RNF168: variants seen among roughly 807,000 people sequenced by gnomAD.
RNF168 encodes the protein ring finger protein 168.
In RNF168, 34 loss-of-function variants were observed where a neutral mutation model predicts 34.9. That is an observed-to-expected ratio of 0.97 (90% CI 0.74 to 1.30). RNF168 has a LOEUF of 1.30. Among genes scored for constraint, RNF168 ranks in the 50% most tolerant of loss-of-function variants. RNF168 has a pLI of 0.00. For synonymous variants in RNF168, 264 were observed against 254.7 expected (o/e 1.04, Z -0.35); for missense variants, 725 against 682.5 (o/e 1.06, Z -0.69).
chr3:196,472,390 C>T lies in RNF168; in HGVS notation c.1145G>A (p.Ser382Asn), dbSNP rs941874666. 1.9e-6 allele frequency: 3 copies of T among 1,614,052 alleles called. No individual in the cohort carries two copies. The highest frequency in any genetic ancestry group is 2.5e-6 in the Non-Finnish European group (3 of 1,180,000). ...TENEESCLLISKEISKRKNQE... is the reference protein window; with the variant it reads ...TENEESCLLINKEISKRKNQE... ...GTTTTTTCTTTTGGAAATCTCCTTA[C>T]TGATCAGTAGGCACGACTCTTCATT... The change falls in exon 6 of 6, where the codon AGT becomes AAT. Residue 382 changes from serine (S) to asparagine (N), a missense_variant. Transcript: ENST00000318037.
At chr3:196,501,787 A>G (rs1023174885) in intron 1 of RNF168, among the ~76,000 whole-genome samples, 4 of 152,076 alleles carry the variant, frequency 2.6e-5, no homozygotes, top group Non-Finnish European at 4.4e-5. Flanking sequence ...CATTTTACTG[A>G]ATTTATGTTA....
At position 196,472,421 on chromosome 3, in the gene RNF168, T is replaced by A. The variant is rs1490470108; in HGVS notation, c.1114A>T (p.Thr372Ser). The change falls in exon 6 of 6, where the codon ACA becomes TCA. Residue 372 changes from threonine to serine, a missense_variant. Physicochemically the swap from Thr to Ser is moderately conservative, Grantham distance 58. Transcript: ENST00000318037. ...TQTNGNNTGETENEESCLLIS... is the reference protein window; with the variant it reads ...TQTNGNNTGESENEESCLLIS... The stretch of plus-strand genomic sequence containing the variant: ...AGTAGGCACGACTCTTCATTTTCTG[T>A]CTCACCTGTGTTGTTTCCATTTGTC... 6.2e-7 allele frequency: 1 copy of A among 1,613,544 alleles called. No homozygotes were observed.
chr3:196,484,004 T>C (rs77317203), intron 3 of RNF168, 113 bp from the exon 4 acceptor site: 114,273 of 825,704 alleles, frequency 0.14, 9,352 homozygotes, highest in Middle Eastern at 0.21. Flanking sequence ...ATTATAGTTA[T>C]ATTTAAATTC....
rs1421440567 is a variant in RNF168 at position 196,469,770 on chromosome 3, T to C, written c.*2049A>G. 3 of 152,122 alleles carry C rather than the reference T, an allele frequency of 2.0e-5. No individual in the cohort carries two copies. The highest frequency in any genetic ancestry group is 3.9e-4 in the East Asian group (2 of 5,192). 9.4% of individuals were successfully genotyped at this position (152,122 alleles called of 1,614,324 possible). Reference sequence around the variant, plus strand: ...CAAATAAAAGCAGTATCAACACAAATGATCATATAAGAAAACACGTGGTTA... The same window carrying C: ...CAAATAAAAGCAGTATCAACACAAACGATCATATAAGAAAACACGTGGTTA... On this transcript the variant is annotated 3_prime_UTR_variant, in exon 6 of 6. Coordinates refer to ENST00000318037, the MANE Select transcript of RNF168 (RefSeq NM_152617.4).
Position 196,488,724 on chromosome 3 carries a change from C to A in RNF168, c.302-41G>T, listed in dbSNP as rs369774165. On this transcript the variant is annotated intron_variant, in intron 1 of 5. Transcript: ENST00000318037. Reference sequence around the variant, plus strand: ...AAAGAAAATAACATTATAGGCAACACAATTTTATGGTAACTTTGGTCTTCC... The same window carrying A: ...AAAGAAAATAACATTATAGGCAACAAAATTTTATGGTAACTTTGGTCTTCC... The A allele has an allele frequency of 1.3e-5, 17 of 1,294,298 alleles. No homozygotes were observed. In the African/African-American group the frequency reaches 2.2e-4, roughly 17 times the overall value. 80.2% of individuals were successfully genotyped at this position (1,294,298 alleles called of 1,614,324 possible). A position where few individuals can be genotyped will look rare whatever the true frequency, so the allele number is the denominator to read the frequency against.
chr3:196,496,113 A>C (rs963599247), intron 1 of RNF168, among the ~76,000 whole-genome samples: 1 of 152,180 alleles, frequency 6.6e-6, no homozygotes, highest in African/African-American at 2.4e-5. Context: ...CAATACTGAA[A>C]ATTTTTTAAA....
At chr3:196,474,190 A>C (rs9325438) in intron 5 of RNF168, among the ~76,000 whole-genome samples, 148,397 of 148,428 alleles carry the variant, frequency 1, 74,183 homozygotes, top group Non-Finnish European at 1. Context: ...TGCAATGGCG[A>C]CATCTCAGCT....
chr3:196,500,856 C>T (rs376309509), intron 1 of RNF168, among the ~76,000 whole-genome samples: 6,294 of 145,966 alleles, frequency 0.043, 216 homozygotes, highest in Middle Eastern at 0.14. Flanking sequence ...GGACTACAGG[C>T]GCGTGCCAAC....
At position 196,472,032 on chromosome 3, in the gene RNF168, C is replaced by T; in HGVS notation, c.1503G>A (p.Arg501=). 2 of 1,613,852 alleles carry T rather than the reference C, an allele frequency of 1.2e-6. No individual in the cohort carries two copies. The highest frequency in any genetic ancestry group is 1.7e-6 in the Non-Finnish European group (2 of 1,179,898). The part of the protein sequence containing the change: ...RKNPKDGNFK[R]QTHTKHPTPE... ...GTGTTGGATGCTTTGTGTGAGTTTG[C>T]CTTTTGAAGTTCCCATCTTTGGGAT... The change falls in exon 6 of 6, where the codon AGG becomes AGA. Residue 501 remains arginine, a synonymous_variant. Coordinates refer to ENST00000318037, the MANE Select transcript of RNF168 (RefSeq NM_152617.4).
rs779858272 is a variant in RNF168, at chr3:196,487,531, A to G, written c.426T>C (p.Ser142=). 7 of 1,613,942 alleles carry G rather than the reference A, an allele frequency of 4.3e-6. No individual in the cohort carries two copies. Among genetic ancestry groups the G allele is most frequent in the Non-Finnish European group, 5.9e-6 (7 of 1,180,010 alleles). The part of the protein sequence containing the change: ...RASEEEENKA[S]EEYIQRLLAE... The stretch of plus-strand genomic sequence containing the variant: ...CCAACAACCTCTGTATGTATTCTTC[A>G]CTGGCTTTGTTTTCTTCTTCCTCGC... Residue 142 remains serine (S), a synonymous_variant, in exon 3 of 6, where the codon AGT becomes AGC. Coordinates refer to ENST00000318037, the MANE Select transcript of RNF168 (RefSeq NM_152617.4).
At position 196,481,963 on chromosome 3, in the gene RNF168, T is replaced by G. The variant is rs946693563; in HGVS notation, c.680+1807A>C. Among the ~76,000 whole-genome samples, 166 of 99,114 alleles carry G rather than the reference T, an allele frequency of 1.7e-3. 17 individuals are homozygous for G. The highest frequency in any genetic ancestry group is 6.6e-3 in the Middle Eastern group (1 of 152). 65.0% of individuals were successfully genotyped at this position (99,114 alleles called of 152,430 possible). On this transcript the variant is annotated intron_variant, in intron 4 of 5. Transcript: ENST00000318037. ...ATAGGCATGAGCCACTGTCCCTGGC[T>G]TTTTTTTTTTTTTTTTTTTAGAGAC...
At chr3:196,474,081 ATGCCTGATGC>A (rs1280583346) in intron 5 of RNF168, among the ~76,000 whole-genome samples, 1 of 151,138 alleles carries the variant, frequency 6.6e-6, no homozygotes, top group African/African-American at 2.4e-5. Flanking sequence ...CTGAACACAC[ATGCCTGATGC>A]TGCCTTACTA....
At chr3:196,502,835 G>A in intron 1 of RNF168, 38 bp downstream of exon 1, 2 of 1,571,360 alleles carry the variant, frequency 1.3e-6, no homozygotes, top group Non-Finnish European at 1.8e-6. Context: ...TCAAAGACTT[G>A]CGGCTTTTGG....
chr3:196,489,333 T>G (rs900743283), intron 1 of RNF168, among the ~76,000 whole-genome samples: 82 of 119,894 alleles, frequency 6.8e-4, no homozygotes, highest in Non-Finnish European at 1.0e-3. Context: ...AAAAAAAATG[T>G]TTTTTTTTTT....
chr3:196,491,913 G>A (rs778303811), intron 1 of RNF168, among the ~76,000 whole-genome samples: 19 of 152,154 alleles, frequency 1.2e-4, no homozygotes, highest in Admixed American at 3.3e-4. Context: ...GGTTCCACTC[G>A]TACGAGACAC....
rs1044620319 is a variant in RNF168, at chr3:196,472,463, T to TG, written c.1071dup (p.Thr358HisfsTer14). On this transcript the variant is annotated frameshift_variant, in exon 6 of 6. Transcript: ENST00000318037. LOFTEE classifies it low-confidence loss of function (END_TRUNC). ...CCATTTGTCTGTGTCACCCCTGATG[T>TG]GGGGGCGCACCCACTTTCTGTTCTG... The TG allele has an allele frequency of 1.2e-6, 2 of 1,614,026 alleles. No individual in the cohort carries two copies. Among genetic ancestry groups the TG allele is most frequent in the African/African-American group, 2.7e-5 (2 of 74,932 alleles).
chr3:196,480,091 TAC>T (rs1240674256), intron 4 of RNF168, among the ~76,000 whole-genome samples: 1 of 152,190 alleles, frequency 6.6e-6, no homozygotes, highest in Non-Finnish European at 1.5e-5. Flanking sequence ...GGGTGGTTTA[TAC>T]ACACACAAAA....
intron 1 of RNF168, among the ~76,000 whole-genome samples, chr3:196,502,307 C>A (rs1018664299): frequency 6.6e-6 from 1 of 152,074 alleles, no homozygotes; most frequent in Non-Finnish European, 1.5e-5. Context: ...AAATCAGAGG[C>A]CGGGCGCGGT....
intron 1 of RNF168, among the ~76,000 whole-genome samples, chr3:196,496,013 T>G (rs1429880910): frequency 6.6e-6 from 1 of 152,158 alleles, no homozygotes. Flanking sequence ...TAAAAATACA[T>G]AAAGTAAATG....
Sources: allele counts gnomAD v4.1 joint callset (sites outside exome capture counted in the v4.1 genomes callset), GRCh38; gene constraint gnomAD v4.1.1; transcripts MANE v1.5; gene names NCBI Gene and HGNC (gene_info 2026-07-23, HGNC 2026-07-21).